SEC14L6: variants seen among roughly 807,000 people sequenced by gnomAD.
SEC14L6 encodes SEC14 like lipid binding 6.
In SEC14L6, 40 loss-of-function variants were observed where a neutral mutation model predicts 54.1. The observed-to-expected ratio is 0.74, with a 90% CI of 0.57 to 0.96. The LOEUF is 0.96. Among genes scored for constraint, SEC14L6 ranks in the 40% least tolerant of loss-of-function variants. The probability of loss-of-function intolerance (pLI) is 0.00; values close to 1 mark genes in which losing one functional copy is unlikely to be tolerated. For missense variants in SEC14L6, 471 were observed against 498.3 expected, an observed-to-expected ratio of 0.95 and a Z score of 0.52; for synonymous variants, 171 against 198.4, an observed-to-expected ratio of 0.86 and a Z score of 1.16.
At chr22:30,528,489 T>G (rs1245279516) in intron 8 of SEC14L6, among the ~76,000 whole-genome samples, 1 of 149,970 alleles carries the variant, frequency 6.7e-6, no homozygotes, top group African/African-American at 2.5e-5. Flanking sequence ...AGTGGCGTGT[T>G]CTCAGCTCAC....
At chr22:30,543,699 C>T (rs539314948) in intron 1 of SEC14L6, 156 of 1,609,202 alleles carry the variant, frequency 9.7e-5, no homozygotes, top group Non-Finnish European at 1.3e-4. Context: ...TTGTGGTGGG[C>T]GTGGTGTGCA....
At chr22:30,536,567 T>G (rs2146281637) in intron 2 of SEC14L6, among the ~76,000 whole-genome samples, 1 of 152,350 alleles carries the variant, frequency 6.6e-6, no homozygotes, top group East Asian at 1.9e-4. Flanking sequence ...TGGCCTCTAA[T>G]GTCAGACTGA....
chr22:30,530,564 C>T (rs760239595), intron 6 of SEC14L6, among the ~76,000 whole-genome samples: 3 of 152,138 alleles, frequency 2.0e-5, no homozygotes, highest in Admixed American at 1.3e-4. Context: ...CTACGCCCAG[C>T]GAATACTCTT....
chr22:30,535,752 C>T (rs759345832), intron 2 of SEC14L6, among the ~76,000 whole-genome samples: 1 of 152,144 alleles, frequency 6.6e-6, no homozygotes, highest in Non-Finnish European at 1.5e-5. Context: ...GCTCTGTCAC[C>T]CAGGCTGGAG....
Position 30,525,108 on chromosome 22 carries a change from A to T in SEC14L6, c.1083T>A (p.Tyr361Ter). 1 of 1,522,430 alleles carries T rather than the reference A, an allele frequency of 6.6e-7. No homozygotes were observed. The allele number at this position is 1,522,430 out of a possible 1,614,324, so 94.3% of individuals were successfully genotyped here. Residue 361 changes from tyrosine (Y) to a stop codon, truncating the protein, a stop_gained and splice_region_variant, in exon 12 of 12, where the codon TAT becomes TAA. Coordinates refer to ENST00000402034, the MANE Select transcript of SEC14L6 (RefSeq NM_001193336.4). LOFTEE classifies it high-confidence loss of function. ...TGTAGGTGTTGTAAAACCTCAGGAC[A>T]TCTGCAGTGAGGGACAGACATTCAG... Reference protein sequence around the residue: ...GILTCLQAGSYVLRFYNTYSL... With the variant: ...GILTCLQAGS
Position 30,525,460 on chromosome 22 carries a change from A to G in SEC14L6, c.971T>C (p.Met324Thr), listed in dbSNP as rs1601874234. Residue 324 changes from methionine (M) to threonine (T), a missense_variant, in exon 11 of 12, where the codon ATG becomes ACG. Physicochemically the swap from Met to Thr is moderately conservative, Grantham distance 81 (BLOSUM62 -1). Transcript: ENST00000402034. ...CTCCCTAGCCCTCTGCCGCTCCCCC[A>G]TCTTGGTCTTCAGGAAAACCCCAAA... ...IGFGVFLKTKMGERQRAREMT... is the reference protein window; with the variant it reads ...IGFGVFLKTKTGERQRAREMT... 6.2e-7 allele frequency: 1 copy of G among 1,613,952 alleles called. No individual in the cohort carries two copies. Among genetic ancestry groups the G allele is most frequent in the African/African-American group, 1.3e-5 (1 of 74,890 alleles).
chr22:30,539,832 G>A (rs2085667771), intron 1 of SEC14L6, among the ~76,000 whole-genome samples: 1 of 152,194 alleles, frequency 6.6e-6, no homozygotes, highest in Non-Finnish European at 1.5e-5. Context: ...GGGGTGGCTT[G>A]ACCTGGCCTG....
chr22:30,525,020 T>C lies in SEC14L6; in HGVS notation c.1171A>G (p.Met391Val), dbSNP rs1467871728. The change falls in exon 12 of 12, where the codon ATG becomes GTG. Residue 391 changes from methionine to valine, a missense_variant. Transcript: ENST00000402034. ...ACCTAGAATTTCTCCATCTTCTCCA[T>C]GAAGGTTTGGTCTGGGAGCAGTACC... is the stretch of plus-strand genomic sequence containing the variant. ...VEVLLPDQTF[M>V]EKMEKF 1.7e-5 allele frequency: 26 copies of C among 1,540,884 alleles called. No homozygotes were observed. Among genetic ancestry groups the C allele is most frequent in the Non-Finnish European group, 1.9e-5 (22 of 1,138,290 alleles).
rs1045178034 is a variant in SEC14L6, at chr22:30,523,992, T to G, written c.*1005A>C. ...CAACTGATATAAACCATATTCCAAC[T>G]ACCTCCTTTATCAGATTCTCACACT... On this transcript the variant is annotated 3_prime_UTR_variant, in exon 12 of 12. Coordinates refer to ENST00000402034, the MANE Select transcript of SEC14L6 (RefSeq NM_001193336.4). The G allele has an allele frequency of 3.3e-5, 5 of 152,226 alleles. No individual in the cohort carries two copies. Among genetic ancestry groups the G allele is most frequent in the African/African-American group, 1.2e-4 (5 of 41,460 alleles). The allele number at this position is 152,226 out of a possible 1,614,324, so 9.4% of individuals were successfully genotyped here.
At position 30,525,916 on chromosome 22, in the gene SEC14L6, C is replaced by T; in HGVS notation, c.681G>A (p.Glu227=). The T allele has an allele frequency of 1.9e-6, 3 of 1,609,656 alleles. No individual in the cohort carries two copies. Among genetic ancestry groups the T allele is most frequent in the Non-Finnish European group, 2.5e-6 (3 of 1,177,748 alleles). Residue 227 remains glutamate, a synonymous_variant, in exon 9 of 12, where the codon GAG becomes GAA. Coordinates refer to ENST00000402034, the MANE Select transcript of SEC14L6 (RefSeq NM_001193336.4). ...VVILGDNWKQ[E]LTKFISPDQL... ...GGTCGGGGCTGATGAATTTTGTCAGCTCCTGCTTCCAGTTGTCTGCATGGG... is the reference window on the plus strand; with the variant it reads ...GGTCGGGGCTGATGAATTTTGTCAGTTCCTGCTTCCAGTTGTCTGCATGGG...
chr22:30,534,067 T>C (rs1937069439), intron 2 of SEC14L6, 28 bp from the exon 3 acceptor site: 6 of 1,550,234 alleles, frequency 3.9e-6, no homozygotes, highest in Non-Finnish European at 5.2e-6. Context: ...GTTATGGTTG[T>C]GGAATTCTAG....
At chr22:30,543,175 G>A (rs1479571538) in intron 1 of SEC14L6, 1 of 1,603,684 alleles carries the variant, frequency 6.2e-7, no homozygotes, top group Non-Finnish European at 8.5e-7. Context: ...CCCCGCAAGA[G>A]AGAGCGTGTC....
intron 1 of SEC14L6, among the ~76,000 whole-genome samples, chr22:30,545,521 AG>A (rs1206285395): frequency 1.3e-5 from 2 of 151,990 alleles, no homozygotes; most frequent in Non-Finnish European, 2.9e-5. Flanking sequence ...CAGCCTCCCG[AG>A]TAGCTGGGAC....
At chr22:30,543,328 C>T (rs978776545) in intron 1 of SEC14L6, 2 of 1,572,344 alleles carry the variant, frequency 1.3e-6, no homozygotes, top group Admixed American at 1.7e-5. Flanking sequence ...CCAAGTTCCA[C>T]CCACCTTGGA....
chr22:30,525,818 C>A lies in SEC14L6; in HGVS notation c.771+8G>T. The A allele has an allele frequency of 6.2e-7, 1 of 1,613,610 alleles. No homozygotes were observed. The highest frequency in any genetic ancestry group is 8.5e-7 in the Non-Finnish European group (1 of 1,179,704). On this transcript the variant is annotated splice_region_variant and intron_variant, in intron 9 of 11. Coordinates refer to ENST00000402034, the MANE Select transcript of SEC14L6 (RefSeq NM_001193336.4). ...CCCCTCCTTCCCCATCCTCTGGGCACCCTGTACCTTGGTCAGGCACTTGGG... is the reference window on the plus strand; with the variant it reads ...CCCCTCCTTCCCCATCCTCTGGGCAACCTGTACCTTGGTCAGGCACTTGGG...
chr22:30,534,724 T>TA (rs1427679778), intron 2 of SEC14L6, among the ~76,000 whole-genome samples: 3 of 151,924 alleles, frequency 2.0e-5, no homozygotes, highest in Non-Finnish European at 2.9e-5. Context: ...TAATACTCTT[T>TA]AAAAAAATCA....
rs2085762153 is a variant in SEC14L6, at chr22:30,543,613, G to T, written c.54+3016C>A. On this transcript the variant is annotated intron_variant, in intron 1 of 11. Coordinates refer to ENST00000402034, the MANE Select transcript of SEC14L6 (RefSeq NM_001193336.4). ...GGTCAGCAAAAGCCATGACCTGAAGGTCTCAGCCCACCTGAAGGAGCAGAG... is the reference window on the plus strand; with the variant it reads ...GGTCAGCAAAAGCCATGACCTGAAGTTCTCAGCCCACCTGAAGGAGCAGAG... The T allele has an allele frequency of 2.5e-6, 4 of 1,613,524 alleles. No individual in the cohort carries two copies. In the Admixed American group the frequency reaches 5.0e-5, roughly 20 times the overall value.
chr22:30,532,252 C>G (rs1937002680), intron 5 of SEC14L6: 17 of 985,186 alleles, frequency 1.7e-5, no homozygotes, highest in Non-Finnish European at 2.0e-5. Flanking sequence ...GGGCTGAAAT[C>G]CCTGTCCCTC....
chr22:30,543,353 C>A, intron 1 of SEC14L6: 1 of 1,573,462 alleles, frequency 6.4e-7, no homozygotes, highest in Non-Finnish European at 8.7e-7. Flanking sequence ...ACTCAACAGC[C>A]CATGAGGGCA....
Sources: gnomAD v4.1 joint callset for allele counts (sites outside exome capture counted in the v4.1 genomes callset) on GRCh38, gnomAD v4.1.1 for gene constraint, MANE v1.5 for transcripts, NCBI Gene and HGNC (gene_info 2026-07-23, HGNC 2026-07-21) for gene names.